CDH12: variants seen among roughly 807,000 people sequenced by gnomAD.
CDH12 encodes the protein cadherin-12.
In CDH12, 41 loss-of-function variants were observed where a neutral mutation model predicts 74.1. That is an observed-to-expected ratio of 0.55 (90% CI 0.43 to 0.72). CDH12 has a LOEUF of 0.72. Ranked by LOEUF, CDH12 falls within the 30% of genes least tolerant of loss-of-function variation. CDH12 has a pLI of 0.00. For synonymous variants in CDH12, 399 were observed against 355.0 expected, an observed-to-expected ratio of 1.12 and a Z score of -1.39; for missense variants, 945 against 977.2, an observed-to-expected ratio of 0.97 and a Z score of 0.44.
chr5:22,614,235 C>A (rs187038099), intron 1 of CDH12, among the ~76,000 whole-genome samples: 290 of 152,082 alleles, frequency 1.9e-3, no homozygotes, highest in Middle Eastern at 0.017. Context: ...ACAATGAGGG[C>A]GAGATATCAA....
intron 3 of CDH12, among the ~76,000 whole-genome samples, chr5:22,291,713 G>C (rs1737394734): frequency 6.6e-6 from 1 of 152,070 alleles, no homozygotes; most frequent in Non-Finnish European, 1.5e-5. Flanking sequence ...ATAAATGCAT[G>C]AAATAACAAA....
At chr5:22,077,917 C>A (rs1274797715) in intron 5 of CDH12, among the ~76,000 whole-genome samples, 3 of 152,128 alleles carry the variant, frequency 2.0e-5, no homozygotes, top group Non-Finnish European at 2.9e-5. Flanking sequence ...AAAGCTTAAG[C>A]AAGCCAAATC....
intron 6 of CDH12, among the ~76,000 whole-genome samples, chr5:21,915,713 T>C (rs1754054426): frequency 6.6e-6 from 1 of 151,826 alleles, no homozygotes; most frequent in Admixed American, 6.6e-5. Context: ...AAATGAGTAA[T>C]GGTGTAGGGT....
At chr5:22,132,499 C>T (rs939237941) in intron 4 of CDH12, among the ~76,000 whole-genome samples, 3 of 151,488 alleles carry the variant, frequency 2.0e-5, no homozygotes. Context: ...CCCCCGAGAA[C>T]ACAGCAGCCT....
chr5:21,971,942 T>C (rs1005075381), intron 6 of CDH12, among the ~76,000 whole-genome samples: 10 of 152,302 alleles, frequency 6.6e-5, no homozygotes, highest in Middle Eastern at 3.4e-3. Context: ...TGGAATTTTC[T>C]TCAACTTTAG....
chr5:22,239,918 C>T (rs1179602803), intron 3 of CDH12, among the ~76,000 whole-genome samples: 1 of 152,096 alleles, frequency 6.6e-6, no homozygotes, highest in Non-Finnish European at 1.5e-5. Flanking sequence ...ATGAAGGTAG[C>T]TCCCTCTACA....
intron 7 of CDH12, among the ~76,000 whole-genome samples, chr5:21,846,108 A>T (rs559807094): frequency 5.5e-4 from 83 of 152,278 alleles, no homozygotes; most frequent in Non-Finnish European, 1.1e-3. Flanking sequence ...TCTGCATAAC[A>T]AAAGATTAGG....
chr5:22,467,010 A>AAC (rs1316714456), intron 2 of CDH12, among the ~76,000 whole-genome samples: 1 of 116,704 alleles, frequency 8.6e-6, no homozygotes, highest in East Asian at 2.6e-4. Context: ...GATGGTCTGG[A>AAC]TCTCGACCTC....
chr5:21,883,753 A>G (rs1752483352), intron 6 of CDH12: 1 of 1,582,546 alleles, frequency 6.3e-7, no homozygotes, highest in Non-Finnish European at 8.7e-7. Context: ...TATGAAAAGG[A>G]AAAACTGAAT....
intron 3 of CDH12, among the ~76,000 whole-genome samples, chr5:22,247,957 C>G (rs561635505): frequency 1.3e-5 from 2 of 152,138 alleles, no homozygotes; most frequent in Non-Finnish European, 2.9e-5. Context: ...GTCCCAAAAG[C>G]TTAAACTTAG....
intron 2 of CDH12, among the ~76,000 whole-genome samples, chr5:22,493,188 C>A (rs1323231245): frequency 6.6e-6 from 1 of 152,212 alleles, no homozygotes; most frequent in Non-Finnish European, 1.5e-5. Flanking sequence ...GGCAACTTTT[C>A]TGACCACCAA....
intron 1 of CDH12, among the ~76,000 whole-genome samples, chr5:22,587,541 A>G (rs1220113133): frequency 1.3e-5 from 2 of 152,156 alleles, no homozygotes; most frequent in Admixed American, 1.3e-4. Flanking sequence ...TGCTACAGCT[A>G]TAGTGTCTAG....
At chr5:22,801,941 A>G (rs1581014289) in intron 1 of CDH12, among the ~76,000 whole-genome samples, 1 of 151,408 alleles carries the variant, frequency 6.6e-6, no homozygotes, top group South Asian at 2.1e-4. Flanking sequence ...TTGTATTCTG[A>G]GGTTTCTATT....
chr5:22,620,485 G>C (rs928586806), intron 1 of CDH12, among the ~76,000 whole-genome samples: 5 of 151,984 alleles, frequency 3.3e-5, no homozygotes, highest in African/African-American at 1.2e-4. Flanking sequence ...ATAATATATG[G>C]AAGAGATTAG....
intron 1 of CDH12, among the ~76,000 whole-genome samples, chr5:22,813,146 A>T: frequency 6.6e-6 from 1 of 152,328 alleles, no homozygotes; most frequent in East Asian, 1.9e-4. Context: ...GTATAAGATT[A>T]TAAATGATTA....
chr5:22,094,563 G>A (rs1307969929), intron 4 of CDH12, among the ~76,000 whole-genome samples: 2 of 152,138 alleles, frequency 1.3e-5, no homozygotes, highest in African/African-American at 2.4e-5. Context: ...AGGTAGTCAT[G>A]TGGGAGAGGG....
intron 1 of CDH12, among the ~76,000 whole-genome samples, chr5:22,689,617 G>GAA (rs34889855): frequency 1.1e-4 from 16 of 151,830 alleles, no homozygotes; most frequent in African/African-American, 1.9e-4. Context: ...AGTAAAACAG[G>GAA]AAAAAAAGGA....
intron 6 of CDH12, chr5:21,883,799 G>C (rs1412040624): frequency 3.7e-5 from 58 of 1,587,718 alleles, no homozygotes; most frequent in Non-Finnish European, 4.4e-5. Context: ...GAGTAGTTGT[G>C]CTGAAGTTTG....
At chr5:21,872,606 A>G (rs1561260204) in intron 6 of CDH12, among the ~76,000 whole-genome samples, 1 of 152,072 alleles carries the variant, frequency 6.6e-6, no homozygotes, top group Non-Finnish European at 1.5e-5. Flanking sequence ...TAAGCTTTGT[A>G]TTTTTTCTGT....
Sources: allele counts gnomAD v4.1 joint callset (sites outside exome capture counted in the v4.1 genomes callset), GRCh38; gene constraint gnomAD v4.1.1; transcripts MANE v1.5; gene names NCBI Gene and HGNC (gene_info 2026-07-23, HGNC 2026-07-21).